Variants in MYO1E observed in about 807,000 individuals in gnomAD.
The protein encoded by MYO1E is myosin IE.
MYO1E carries 68 observed loss-of-function variants against 151.1 expected under a neutral mutation model. That is an observed-to-expected ratio of 0.45 (90% confidence interval 0.37 to 0.55). MYO1E has a LOEUF of 0.55. MYO1E is among the 20% of genes least tolerant of loss of function. The pLI is 0.00. For synonymous variants in MYO1E, 601 were observed against 501.7 expected, an observed-to-expected ratio of 1.20 and a Z score of -2.64; for missense variants, 1,363 against 1,389.3, an observed-to-expected ratio of 0.98 and a Z score of 0.30.
chr15:59,205,595 G>A lies in MYO1E; in HGVS notation c.1531-110C>T, dbSNP rs1191734393. The A allele has an allele frequency of 6.1e-6, 6 of 981,064 alleles. No homozygotes were observed. In the African/African-American group the frequency reaches 6.4e-5, roughly 11 times the overall value. 60.8% of individuals were successfully genotyped at this position (981,064 alleles called of 1,614,324 possible). A position where few individuals can be genotyped will look rare whatever the true frequency, so the allele number is the denominator to read the frequency against. On this transcript the variant is annotated intron_variant, in intron 14 of 27. Coordinates refer to ENST00000288235, the MANE Select transcript of MYO1E (RefSeq NM_004998.4). Reference sequence around the variant, plus strand: ...TTTCACCAAACAAAAAACCAAAGCTGTCATGGCTACCCTCACCACAACATG... The same window carrying A: ...TTTCACCAAACAAAAAACCAAAGCTATCATGGCTACCCTCACCACAACATG...
At chr15:59,356,713 G>A (rs1391824070) in intron 1 of MYO1E, among the ~76,000 whole-genome samples, 2 of 151,924 alleles carry the variant, frequency 1.3e-5, no homozygotes, top group East Asian at 3.9e-4. Context: ...AAGTAGCTGG[G>A]ACTACAAGTG....
chr15:59,252,197 C>G (rs2080168920), intron 4 of MYO1E, among the ~76,000 whole-genome samples: 1 of 152,122 alleles, frequency 6.6e-6, no homozygotes, highest in Admixed American at 6.6e-5. Context: ...TAGCTTTGTA[C>G]TTTTAAAGAA....
chr15:59,301,837 C>T (rs150847063), intron 1 of MYO1E, among the ~76,000 whole-genome samples: 3 of 152,242 alleles, frequency 2.0e-5, no homozygotes, highest in East Asian at 1.9e-4. Context: ...AGATAGAGAA[C>T]GGGAAAGCTA....
chr15:59,146,715 CTTATA>C (rs1300348711), intron 26 of MYO1E, among the ~76,000 whole-genome samples: 2 of 148,326 alleles, frequency 1.3e-5, no homozygotes, highest in East Asian at 3.9e-4. Context: ...ATATATATTA[CTTATA>C]TTGTATATAT....
At chr15:59,339,838 T>C (rs2080752630) in intron 1 of MYO1E, among the ~76,000 whole-genome samples, 1 of 142,512 alleles carries the variant, frequency 7.0e-6, no homozygotes, top group African/African-American at 2.7e-5. Context: ...ATTTTATATA[T>C]ACATACTTTT....
At chr15:59,360,504 C>T (rs555227594) in intron 1 of MYO1E, among the ~76,000 whole-genome samples, 3 of 152,298 alleles carry the variant, frequency 2.0e-5, no homozygotes, top group Admixed American at 6.5e-5. Context: ...AGCAGGCCAT[C>T]GAGCCCAGCA....
At chr15:59,241,793 C>T (rs1227743536) in intron 4 of MYO1E, among the ~76,000 whole-genome samples, 2 of 151,796 alleles carry the variant, frequency 1.3e-5, no homozygotes, top group Non-Finnish European at 2.9e-5. Context: ...GTAGTGTGCT[C>T]CTGTGGTCCT....
intron 4 of MYO1E, among the ~76,000 whole-genome samples, chr15:59,237,744 G>C (rs1252503403): frequency 6.6e-6 from 1 of 152,232 alleles, no homozygotes; most frequent in Non-Finnish European, 1.5e-5. Context: ...CTCAAGGAAA[G>C]AGAAAACATT....
chr15:59,150,923 G>A (rs1196334839), intron 26 of MYO1E, among the ~76,000 whole-genome samples: 1 of 151,958 alleles, frequency 6.6e-6, no homozygotes, highest in African/African-American at 2.4e-5. Flanking sequence ...TTTAGACCAA[G>A]CCAATCACGT....
Position 59,172,025 on chromosome 15 carries a change from C to A in MYO1E, c.2352G>T (p.Leu784=). 6.2e-7 allele frequency: 1 copy of A among 1,614,088 alleles called. No homozygotes were observed. The highest frequency in any genetic ancestry group is 8.5e-7 in the Non-Finnish European group (1 of 1,180,008). ...AGTACAAGCACTTTGGGGTAAGGAG[C>A]AGGTCTCGCTTTACACCCTGTAAGG... ...DRRFKGVKRD[L]LLTPKCLYLI... The change falls in exon 22 of 28, where the codon CTG becomes CTT. Residue 784 remains leucine (L), a synonymous_variant. Transcript: ENST00000288235.
Position 59,198,060 on chromosome 15 carries a change from T to C in MYO1E, c.1699-2493A>G, listed in dbSNP as rs181046018. Among the ~76,000 whole-genome samples the C allele has an allele frequency of 6.3e-3, 956 of 152,094 alleles. 7 individuals carry two copies. The highest frequency in any genetic ancestry group is 0.01 in the Non-Finnish European group (702 of 67,988). Reference sequence around the variant, plus strand: ...AAAAAAAATTTTTGTAGAGGTGGGGTCTCACTATATTTCCCAGGCTCGTCT... The same window carrying C: ...AAAAAAAATTTTTGTAGAGGTGGGGCCTCACTATATTTCCCAGGCTCGTCT... On this transcript the variant is annotated intron_variant, in intron 16 of 27. Coordinates refer to ENST00000288235, the MANE Select transcript of MYO1E (RefSeq NM_004998.4).
chr15:59,299,100 G>A (rs1376398247), intron 1 of MYO1E, among the ~76,000 whole-genome samples: 10 of 152,166 alleles, frequency 6.6e-5, no homozygotes, highest in African/African-American at 2.2e-4. Context: ...CCAATATTAC[G>A]GCCACATGTT....
rs1448439054 is a variant in MYO1E, at chr15:59,208,475, GCTT to G, written c.1530+203_1530+205del. The G allele has an allele frequency of 3.7e-5, 24 of 648,410 alleles. No homozygotes were observed. In the East Asian group the frequency reaches 5.9e-4, roughly 16 times the overall value. 40.2% of individuals were successfully genotyped at this position (648,410 alleles called of 1,614,324 possible). A position where few individuals can be genotyped will look rare whatever the true frequency, so the allele number is the denominator to read the frequency against. On this transcript the variant is annotated intron_variant, in intron 14 of 27. Coordinates refer to ENST00000288235, the MANE Select transcript of MYO1E (RefSeq NM_004998.4). ...ATTTATATGCTGTAAAAAAGTAGTA[GCTT>G]CTTCTACAATGTAAAAATAAATGTA... is the stretch of plus-strand genomic sequence containing the variant.
At chr15:59,301,880 A>G (rs900827989) in intron 1 of MYO1E, among the ~76,000 whole-genome samples, 3 of 152,166 alleles carry the variant, frequency 2.0e-5, no homozygotes, top group Non-Finnish European at 4.4e-5. Context: ...AGTTATTTTG[A>G]TAACATCAAG....
chr15:59,193,155 A>G (rs2140328784), intron 17 of MYO1E, among the ~76,000 whole-genome samples: 1 of 152,332 alleles, frequency 6.6e-6, no homozygotes, highest in East Asian at 1.9e-4. Context: ...TTTAAGATGC[A>G]CATTCATGGG....
At chr15:59,140,670 C>CT (rs1185191354) in intron 26 of MYO1E, among the ~76,000 whole-genome samples, 1 of 152,148 alleles carries the variant, frequency 6.6e-6, no homozygotes, top group Non-Finnish European at 1.5e-5. Flanking sequence ...CCACAGCCTG[C>CT]TGGCCTTGCC....
At chr15:59,282,707 G>A (rs950210973) in intron 1 of MYO1E, among the ~76,000 whole-genome samples, 3 of 150,478 alleles carry the variant, frequency 2.0e-5, no homozygotes, top group African/African-American at 4.9e-5. Context: ...TTAGCTGGAC[G>A]TGGTGGCACA....
At chr15:59,202,248 G>GC (rs1214545365) in intron 16 of MYO1E, 78 bp downstream of exon 16, 17 of 1,268,024 alleles carry the variant, frequency 1.3e-5, no homozygotes, top group South Asian at 3.6e-5. Context: ...CCTCATCCTG[G>GC]CCCAGGGGTG....
chr15:59,287,004 T>C (rs901455077), intron 1 of MYO1E, among the ~76,000 whole-genome samples: 8 of 152,188 alleles, frequency 5.3e-5, no homozygotes, highest in Non-Finnish European at 1.2e-4. Context: ...CCAAGGGTCC[T>C]GCAGGCTCAG....
Sources: gnomAD v4.1 joint callset for allele counts (sites outside exome capture counted in the v4.1 genomes callset) on GRCh38, gnomAD v4.1.1 for gene constraint, MANE v1.5 for transcripts, NCBI Gene and HGNC (gene_info 2026-07-23, HGNC 2026-07-21) for gene names.